CTNNA3: variants seen among roughly 807,000 people sequenced by gnomAD.
CTNNA3 encodes the protein catenin alpha-3.
A neutral mutation model predicts 95.7 loss-of-function variants in CTNNA3; 76 were observed. The observed-to-expected ratio is 0.79, with a 90% CI of 0.66 to 0.96. The LOEUF (loss-of-function observed/expected upper bound fraction) is 0.96, where lower values mean the gene tolerates loss of function less well. Among genes scored for constraint, CTNNA3 ranks in the 40% least tolerant of loss-of-function variants. The pLI is 0.00. For missense variants in CTNNA3, 1,191 were observed against 1,089.8 expected (o/e 1.09, Z -1.31); for synonymous variants, 431 against 374.4 (o/e 1.15, Z -1.74).
At chr10:67,151,712 A>G (rs1368394974) in intron 7 of CTNNA3, among the ~76,000 whole-genome samples, 1 of 152,236 alleles carries the variant, frequency 6.6e-6, no homozygotes, top group Non-Finnish European at 1.5e-5. Context: ...CAGTTTACGG[A>G]GTATCACAGC....
At chr10:66,207,333 G>A (rs2893985) in intron 13 of CTNNA3, among the ~76,000 whole-genome samples, 118,951 of 151,734 alleles carry the variant, frequency 0.78, 46,803 homozygotes, top group South Asian at 0.91. Context: ...GTCTAGGTCC[G>A]TCATAGAAGA....
chr10:66,001,143 A>G (rs773555738), intron 15 of CTNNA3, among the ~76,000 whole-genome samples: 1 of 152,038 alleles, frequency 6.6e-6, no homozygotes, highest in African/African-American at 2.4e-5. Flanking sequence ...ATATATATAT[A>G]CTACATTGCA....
At chr10:66,214,415 A>G (rs1391576470) in intron 13 of CTNNA3, among the ~76,000 whole-genome samples, 2 of 152,158 alleles carry the variant, frequency 1.3e-5, no homozygotes, top group Non-Finnish European at 2.9e-5. Context: ...ATATTTTACT[A>G]TGTTATTTGT....
At chr10:66,697,448 C>T (rs1811183111) in intron 9 of CTNNA3, among the ~76,000 whole-genome samples, 2 of 151,480 alleles carry the variant, frequency 1.3e-5, no homozygotes, top group African/African-American at 4.8e-5. Flanking sequence ...AACACTGATA[C>T]ACAAAATATA....
chr10:66,482,831 G>A (rs1408114345), intron 11 of CTNNA3, among the ~76,000 whole-genome samples: 1 of 152,080 alleles, frequency 6.6e-6, no homozygotes, highest in African/African-American at 2.4e-5. Flanking sequence ...GATTGTTGAT[G>A]ATATTTAAAC....
chr10:67,370,812 A>T (rs1410721274), intron 5 of CTNNA3, among the ~76,000 whole-genome samples: 1 of 152,134 alleles, frequency 6.6e-6, no homozygotes, highest in Admixed American at 6.5e-5. Flanking sequence ...GATGAAAAGA[A>T]ACTTGTTTGC....
At chr10:66,909,403 A>C (rs992484883) in intron 7 of CTNNA3, among the ~76,000 whole-genome samples, 1 of 152,034 alleles carries the variant, frequency 6.6e-6, no homozygotes, top group Admixed American at 6.6e-5. Context: ...CCATCTACTC[A>C]GGAGGTTGAT....
chr10:66,955,713 C>T (rs948470496), intron 7 of CTNNA3, among the ~76,000 whole-genome samples: 1 of 152,138 alleles, frequency 6.6e-6, no homozygotes. Flanking sequence ...AACTGGAGAT[C>T]AGCCTCCATT....
At chr10:67,313,363 C>T (rs375110801) in intron 5 of CTNNA3, among the ~76,000 whole-genome samples, 9 of 151,460 alleles carry the variant, frequency 5.9e-5, no homozygotes, top group East Asian at 3.9e-4. Context: ...ACCCGGGAGG[C>T]GGAGTTTGCA....
chr10:65,944,068 T>C (rs1183086528), intron 17 of CTNNA3, among the ~76,000 whole-genome samples: 1 of 152,254 alleles, frequency 6.6e-6, no homozygotes. Flanking sequence ...GAATTGTTGC[T>C]AAAGCAAAAT....
intron 13 of CTNNA3, among the ~76,000 whole-genome samples, chr10:66,223,171 G>A (rs78081617): frequency 0.033 from 5,009 of 152,038 alleles, 200 homozygotes; most frequent in African/African-American, 0.096. Flanking sequence ...TGTTTGTAAT[G>A]TTTCTGGACA....
intron 11 of CTNNA3, among the ~76,000 whole-genome samples, chr10:66,475,473 G>T (rs1168976133): frequency 6.6e-6 from 1 of 151,902 alleles, no homozygotes; most frequent in African/African-American, 2.4e-5. Flanking sequence ...CTGTTGCTCT[G>T]ATAATAATTT....
At chr10:67,318,771 T>A (rs1264944048) in intron 5 of CTNNA3, among the ~76,000 whole-genome samples, 1 of 152,236 alleles carries the variant, frequency 6.6e-6, no homozygotes, top group African/African-American at 2.4e-5. Context: ...TTATTTAAAA[T>A]TGCAGACCAC....
chr10:66,999,717 C>T (rs1159899777), intron 7 of CTNNA3, among the ~76,000 whole-genome samples: 1 of 152,090 alleles, frequency 6.6e-6, no homozygotes, highest in African/African-American at 2.4e-5. Context: ...TTTCATAAGT[C>T]TTTAAGCAAA....
At chr10:66,418,834 T>C (rs894597957) in intron 11 of CTNNA3, among the ~76,000 whole-genome samples, 3 of 151,964 alleles carry the variant, frequency 2.0e-5, no homozygotes, top group African/African-American at 7.2e-5. Context: ...ACCTTCATGA[T>C]AAAAAAATTC....
intron 7 of CTNNA3, among the ~76,000 whole-genome samples, chr10:67,025,350 C>T (rs1022439216): frequency 4.6e-5 from 7 of 151,862 alleles, no homozygotes; most frequent in South Asian, 2.1e-4. Context: ...AACTCCTCTC[C>T]CCAAACTAAA....
intron 5 of CTNNA3, among the ~76,000 whole-genome samples, chr10:67,519,993 T>G (rs1265564246): frequency 6.6e-6 from 1 of 152,154 alleles, no homozygotes; most frequent in East Asian, 1.9e-4. Flanking sequence ...AGGTTTGAAG[T>G]CAGACTTGAT....
At chr10:66,511,153 T>C (rs1840643354) in intron 11 of CTNNA3, among the ~76,000 whole-genome samples, 1 of 151,844 alleles carries the variant, frequency 6.6e-6, no homozygotes, top group African/African-American at 2.4e-5. Flanking sequence ...ATTTCCTTTA[T>C]GTTTTTTAAT....
intron 13 of CTNNA3, among the ~76,000 whole-genome samples, chr10:66,261,525 T>C (rs1433117076): frequency 2.0e-5 from 3 of 152,108 alleles, no homozygotes; most frequent in Non-Finnish European, 4.4e-5. Flanking sequence ...TGCTTGTCTT[T>C]CTGTTAGTAT....
Sources: gnomAD v4.1 joint callset for allele counts (sites outside exome capture counted in the v4.1 genomes callset) on GRCh38, gnomAD v4.1.1 for gene constraint, MANE v1.5 for transcripts, NCBI Gene and HGNC (gene_info 2026-07-23, HGNC 2026-07-21) for gene names.